The following RHOBTB2 variants were observed in gnomAD, a reference collection of about 807,000 sequenced individuals.
RHOBTB2 encodes the protein rho-related BTB domain-containing protein 2.
RHOBTB2 carries 39 observed loss-of-function variants against 66.5 expected under a neutral mutation model. The ratio of observed to expected loss-of-function variants is 0.59; its 90% CI spans 0.45 to 0.77. The LOEUF (loss-of-function observed/expected upper bound fraction) is 0.77. RHOBTB2 is among the 30% of genes least tolerant of loss of function. RHOBTB2 has a pLI of 0.00. For synonymous variants in RHOBTB2, 390 were observed against 395.0 expected (o/e 0.99, Z 0.15); for missense variants, 755 against 999.1 (o/e 0.76, Z 3.29).
chr8:22,959,059 T>C, the RHOBTB2 span, among the ~76,000 whole-genome samples: 1 of 152,178 alleles, frequency 6.6e-6, no homozygotes, highest in African/African-American at 2.4e-5. Flanking sequence ...CTTCCAGGTT[T>C]GAAAATCCAT....
intron 1 of RHOBTB2, among the ~76,000 whole-genome samples, chr8:23,000,699 A>G (rs1810748594): frequency 6.6e-6 from 1 of 152,084 alleles, no homozygotes; most frequent in South Asian, 2.1e-4. Context: ...GCTTCTTGCA[A>G]TGCCAGCGAC....
At chr8:22,987,103 G>A (rs1320716228), upstream of RHOBTB2, among the ~76,000 whole-genome samples, 12 of 152,370 alleles carry the variant, frequency 7.9e-5, no homozygotes, top group Admixed American at 7.2e-4. Flanking sequence ...CAAGATGTGC[G>A]TCAGAAAGGC....
At chr8:22,961,855 G>A in the RHOBTB2 span, among the ~76,000 whole-genome samples, 4 of 151,940 alleles carry the variant, frequency 2.6e-5, no homozygotes, top group Non-Finnish European at 5.9e-5. Context: ...AGTGAAAGAG[G>A]GAAATGACCA....
At chr8:23,003,195 C>G (rs1810838469) in intron 1 of RHOBTB2, among the ~76,000 whole-genome samples, 1 of 152,246 alleles carries the variant, frequency 6.6e-6, no homozygotes, top group Non-Finnish European at 1.5e-5. Context: ...GCGTCCTAAT[C>G]ACGCTGGCCC....
At chr8:22,995,830 G>A, upstream of RHOBTB2, 1 of 1,550,998 alleles carries the variant, frequency 6.4e-7, no homozygotes, top group Non-Finnish European at 8.7e-7. Context: ...GGCCCATGGG[G>A]TGGGCTCCGC....
the RHOBTB2 span, among the ~76,000 whole-genome samples, chr8:22,974,391 G>A: frequency 6.6e-6 from 1 of 152,208 alleles, no homozygotes; most frequent in East Asian, 1.9e-4. Context: ...TCACAAGGCA[G>A]AGGCAAAGTG....
At chr8:22,965,308 T>C in the RHOBTB2 span, among the ~76,000 whole-genome samples, 1 of 152,222 alleles carries the variant, frequency 6.6e-6, no homozygotes. Context: ...AAAGACATCT[T>C]TTGTTCATAG....
At chr8:23,012,592 C>A (rs1811178868) in intron 7 of RHOBTB2, among the ~76,000 whole-genome samples, 1 of 152,122 alleles carries the variant, frequency 6.6e-6, no homozygotes, top group South Asian at 2.1e-4. Context: ...GCATATTAAA[C>A]ATATGTTCAG....
chr8:22,997,795 G>A (rs542245417), upstream of RHOBTB2, among the ~76,000 whole-genome samples: 160 of 152,282 alleles, frequency 1.1e-3, 3 homozygotes, highest in South Asian at 0.028. Context: ...CAGGGTGTCC[G>A]TGGGAGAGAC....
At chr8:22,950,879 C>T in the RHOBTB2 span, among the ~76,000 whole-genome samples, 1 of 152,208 alleles carries the variant, frequency 6.6e-6, no homozygotes, top group Non-Finnish European at 1.5e-5. Flanking sequence ...CACGGAGCCG[C>T]CATTTGGAAC....
At position 23,004,384 on chromosome 8, in the gene RHOBTB2, G is replaced by T. The variant is rs1384773423; in HGVS notation, c.-10-41G>T. ...GCTGGCCCTGGCCCACGGCGAGCTG[G>T]CATGCCATGCCGTCCTGACCGCCTC... On this transcript the variant is annotated intron_variant, in intron 1 of 9. Coordinates refer to ENST00000251822, the MANE Select transcript of RHOBTB2 (RefSeq NM_015178.3). This position sits in a 1 kb window ranked among gnomAD's most constrained non-coding sequence, Gnocchi z 6.4. The T allele has an allele frequency of 6.4e-7, 1 of 1,567,978 alleles. No homozygotes were observed.
upstream of RHOBTB2, chr8:22,996,011 G>A (rs1810543222): frequency 4.7e-6 from 4 of 854,398 alleles, no homozygotes; most frequent in Non-Finnish European, 7.8e-6. Context: ...CACAGCCACA[G>A]GGAGAGCAAC....
chr8:23,009,971 G>T (rs905791333), intron 6 of RHOBTB2, among the ~76,000 whole-genome samples: 4 of 152,226 alleles, frequency 2.6e-5, no homozygotes, highest in African/African-American at 9.6e-5. Flanking sequence ...CAAAGCAGCA[G>T]CTCTGAGCAG....
the RHOBTB2 span, among the ~76,000 whole-genome samples, chr8:22,972,703 C>G: frequency 1.3e-5 from 2 of 152,354 alleles, no homozygotes; most frequent in East Asian, 1.9e-4. Flanking sequence ...CTACTCCCAG[C>G]GTTTCAGACT....
chr8:23,008,996 G>A (rs1000178284), intron 6 of RHOBTB2, among the ~76,000 whole-genome samples: 3 of 151,972 alleles, frequency 2.0e-5, no homozygotes, highest in Non-Finnish European at 1.5e-5. Flanking sequence ...GTCCCTATAG[G>A]GCCAGCAAGG....
At chr8:23,003,060 C>T (rs901445860) in intron 1 of RHOBTB2, among the ~76,000 whole-genome samples, 1 of 152,214 alleles carries the variant, frequency 6.6e-6, no homozygotes, top group Admixed American at 6.5e-5. Context: ...GGGCAGCCTC[C>T]AGCACTCAGA....
At chr8:23,007,958 TTC>T in intron 5 of RHOBTB2, 33 bp from the exon 6 acceptor site, 1 of 1,592,694 alleles carries the variant, frequency 6.3e-7, no homozygotes, top group South Asian at 1.1e-5. Flanking sequence ...CCCAGCTTCT[TTC>T]ACCAGTCCTC....
chr8:22,971,735 C>T, the RHOBTB2 span, among the ~76,000 whole-genome samples: 2 of 152,300 alleles, frequency 1.3e-5, no homozygotes, highest in Admixed American at 1.3e-4. Context: ...CCTTCCACCT[C>T]CCTGGCCAGT....
At chr8:22,962,693 T>A in the RHOBTB2 span, among the ~76,000 whole-genome samples, 2 of 152,082 alleles carry the variant, frequency 1.3e-5, no homozygotes, top group East Asian at 3.8e-4. Context: ...AAGGATAGTT[T>A]TGGTGACGTA....
Sources: gnomAD v4.1 joint callset for allele counts (sites outside exome capture counted in the v4.1 genomes callset) on GRCh38, gnomAD v4.1.1 for gene constraint, Gnocchi (gnomAD v3.1) non-coding constraint, MANE v1.5 for transcripts, NCBI Gene and HGNC (gene_info 2026-07-23, HGNC 2026-07-21) for gene names.